The following PTPDC1 variants were observed in gnomAD, a reference collection of about 807,000 sequenced individuals.
PTPDC1 encodes protein tyrosine phosphatase domain-containing protein 1.
A neutral mutation model predicts 75.3 loss-of-function variants in PTPDC1; 53 were observed. The ratio of observed to expected loss-of-function variants is 0.70; its 90% CI spans 0.56 to 0.88. PTPDC1 has a LOEUF of 0.88. PTPDC1 is among the 40% of genes least tolerant of loss of function. PTPDC1 has a pLI of 0.00. For missense variants in PTPDC1, 925 were observed against 998.6 expected (o/e 0.93, Z 0.99); for synonymous variants, 349 against 366.2 (o/e 0.95, Z 0.54).
intron 1 of PTPDC1, among the ~76,000 whole-genome samples, chr9:94,043,610 A>G (rs1422135019): frequency 6.6e-6 from 1 of 152,096 alleles, no homozygotes; most frequent in African/African-American, 2.4e-5. Context: ...AGTCCCAGCT[A>G]CTTAGGAGGC....
intron 2 of PTPDC1, among the ~76,000 whole-genome samples, chr9:94,065,692 T>C (rs1476192654): frequency 6.6e-6 from 1 of 152,216 alleles, no homozygotes; most frequent in African/African-American, 2.4e-5. Flanking sequence ...CTAAACTCCG[T>C]ATGCTTGTAG....
chr9:94,058,955 C>T (rs1031274309), intron 1 of PTPDC1, among the ~76,000 whole-genome samples: 11 of 152,280 alleles, frequency 7.2e-5, no homozygotes, highest in South Asian at 4.1e-4. Flanking sequence ...TGTGCTACTG[C>T]ACTCCAGCCT....
intron 4 of PTPDC1, among the ~76,000 whole-genome samples, chr9:94,089,153 T>C (rs934828840): frequency 1.7e-4 from 25 of 149,210 alleles, no homozygotes; most frequent in Non-Finnish European, 3.0e-4. Context: ...TATGTATACA[T>C]GTGCCATGCT....
chr9:94,044,609 C>T (rs564976603), intron 1 of PTPDC1, among the ~76,000 whole-genome samples: 15 of 152,198 alleles, frequency 9.9e-5, no homozygotes, highest in South Asian at 8.3e-4. Context: ...CTCACCTGTG[C>T]GGGAGTTATT....
At chr9:94,094,869 A>C (rs928345465) in intron 4 of PTPDC1, among the ~76,000 whole-genome samples, 8 of 152,060 alleles carry the variant, frequency 5.3e-5, no homozygotes, top group Non-Finnish European at 1.0e-4. Context: ...CCTTTCTTTG[A>C]CTCAGAAAGG....
chr9:94,081,729 G>C (rs147521578), upstream of PTPDC1, among the ~76,000 whole-genome samples: 24 of 152,228 alleles, frequency 1.6e-4, no homozygotes, highest in East Asian at 3.3e-3. Flanking sequence ...GGCAGGTGTA[G>C]TCACCTTGGT....
rs1046823348 is a variant in PTPDC1 at position 94,094,727 on chromosome 9, A to C, written c.617-590A>C. Among the ~76,000 whole-genome samples the C allele has an allele frequency of 3.9e-5, 6 of 152,206 alleles. No individual in the cohort carries two copies. In the East Asian group the frequency reaches 5.8e-4, roughly 15 times the overall value. The stretch of plus-strand genomic sequence containing the variant: ...CAGACTGCTGTGCTAACAATCAGCG[A>C]GACTCCGTGGGCGTAGGACCCTCCG... On this transcript the variant is annotated intron_variant, in intron 4 of 8. Coordinates refer to ENST00000620992, the MANE Select transcript of PTPDC1 (RefSeq NM_001253829.2).
chr9:94,073,263 A>G (rs1826576139), intron 2 of PTPDC1, among the ~76,000 whole-genome samples: 1 of 152,028 alleles, frequency 6.6e-6, no homozygotes, highest in Non-Finnish European at 1.5e-5. Flanking sequence ...GTGTTCAAGG[A>G]TTTGATCCAT....
At chr9:94,066,943 C>T (rs1471977898) in intron 2 of PTPDC1, among the ~76,000 whole-genome samples, 1 of 152,036 alleles carries the variant, frequency 6.6e-6, no homozygotes, top group African/African-American at 2.4e-5. Context: ...AATAAAGATC[C>T]CCATATTTGT....
At chr9:94,084,202 A>G (rs370017745), upstream of PTPDC1, among the ~76,000 whole-genome samples, 1 of 152,324 alleles carries the variant, frequency 6.6e-6, no homozygotes, top group East Asian at 1.9e-4. Context: ...TAAATTCACT[A>G]CAGTATTTTG....
rs201124518 is a variant in PTPDC1 at position 94,067,400 on chromosome 9, AAT to A, written c.82+2581_82+2582del. Among the ~76,000 whole-genome samples, 871 of 150,840 alleles carry A rather than the reference AAT, an allele frequency of 5.8e-3. 10 individuals carry two copies. The highest frequency in any genetic ancestry group is 0.02 in the African/African-American group (813 of 41,142). ...GTGAGACTCCATCTCAAAAAAAAAA[AAT>A]AATAATAATAATAATAAACCACATT... On this transcript the variant is annotated intron_variant, in intron 2 of 9. Transcript: ENST00000375360.
chr9:94,093,395 G>C (rs1827405268), intron 4 of PTPDC1, among the ~76,000 whole-genome samples: 1 of 148,506 alleles, frequency 6.7e-6, no homozygotes, highest in Admixed American at 6.7e-5. Context: ...TTTTCTTTAA[G>C]AATGTTGAAT....
chr9:94,095,890 T>C (rs1827545749), intron 5 of PTPDC1, among the ~76,000 whole-genome samples: 1 of 152,214 alleles, frequency 6.6e-6, no homozygotes, highest in Non-Finnish European at 1.5e-5. Flanking sequence ...TTAAAGTCTT[T>C]AGCAACAATG....
intron 5 of PTPDC1, 144 bp downstream of exon 5, chr9:94,095,598 T>G (rs1564032058): frequency 1.3e-5 from 8 of 638,920 alleles, no homozygotes; most frequent in Non-Finnish European, 5.4e-6. Context: ...TCTAGTGTTC[T>G]GTACCACTGT....
At position 94,103,541 on chromosome 9, in the gene PTPDC1, T is replaced by G. The variant is rs562631832; in HGVS notation, c.2200-734T>G. The stretch of plus-strand genomic sequence containing the variant: ...GGCATTTATATTGCTTCAGGTTTTT[T>G]ACTTTCATAGGCGTCATTGTAATGA... On this transcript the variant is annotated intron_variant, in intron 7 of 8. Transcript: ENST00000620992. 2.0e-5 allele frequency among the ~76,000 whole-genome samples: 3 copies of G among 152,348 alleles called. No homozygotes were observed. The South Asian group carries it at 6.2e-4, about 32-fold the overall frequency.
chr9:94,081,316 GT>G (rs1232433198), upstream of PTPDC1, among the ~76,000 whole-genome samples: 1 of 152,082 alleles, frequency 6.6e-6, no homozygotes, highest in African/African-American at 2.4e-5. Context: ...TGTAACTTTT[GT>G]AACTTTTCTG....
At chr9:94,047,130 T>C (rs1174910918) in intron 1 of PTPDC1, among the ~76,000 whole-genome samples, 1 of 152,234 alleles carries the variant, frequency 6.6e-6, no homozygotes, top group East Asian at 1.9e-4. Context: ...TGGTTCTGTT[T>C]ATATGCTGGA....
At chr9:94,062,776 C>T (rs1284625963) in intron 1 of PTPDC1, among the ~76,000 whole-genome samples, 1 of 152,182 alleles carries the variant, frequency 6.6e-6, no homozygotes, top group Non-Finnish European at 1.5e-5. Flanking sequence ...CTGGGGAACA[C>T]AATTTGACAT....
chr9:94,095,610 G>T (rs562474269), intron 5 of PTPDC1, among the ~76,000 whole-genome samples, 156 bp downstream of exon 5: 8 of 152,254 alleles, frequency 5.3e-5, no homozygotes, highest in African/African-American at 1.9e-4. Flanking sequence ...TACCACTGTA[G>T]GGTGTCTATA....
Sources: gnomAD v4.1 joint callset for allele counts (sites outside exome capture counted in the v4.1 genomes callset) on GRCh38, gnomAD v4.1.1 for gene constraint, MANE v1.5 for transcripts, NCBI Gene and HGNC (gene_info 2026-07-23, HGNC 2026-07-21) for gene names.